The following CASP5 variants were observed in gnomAD, a reference collection of about 807,000 sequenced individuals.
CASP5 encodes caspase 5, also known as caspase-5.
A neutral mutation model predicts 45.2 loss-of-function variants in CASP5; 42 were observed. The ratio of observed to expected loss-of-function variants is 0.93; its 90% CI spans 0.73 to 1.20. The LOEUF (loss-of-function observed/expected upper bound fraction) is 1.20, where lower values mean the gene tolerates loss of function less well. Ranked by LOEUF, CASP5 falls within the 50% of genes most tolerant of loss-of-function variation. The probability of loss-of-function intolerance (pLI) is 0.00; values close to 1 mark genes in which losing one functional copy is unlikely to be tolerated. For missense variants in CASP5, 512 were observed against 532.2 expected, an observed-to-expected ratio of 0.96 and a Z score of 0.37; for synonymous variants, 209 against 186.2, an observed-to-expected ratio of 1.12 and a Z score of -1.00.
At chr11:105,020,993 G>T (rs1862926738) in intron 1 of CASP5, among the ~76,000 whole-genome samples, 1 of 151,964 alleles carries the variant, frequency 6.6e-6, no homozygotes, top group Non-Finnish European at 1.5e-5. Context: ...AGAGCCCTCA[G>T]AAATAATGCC....
intron 2 of CASP5, 152 bp from the exon 3 acceptor site, chr11:105,007,486 T>C: frequency 1.4e-6 from 1 of 719,316 alleles, no homozygotes; most frequent in Non-Finnish European, 2.3e-6. Context: ...TTTTTGCAAC[T>C]GCAGAATTCT....
At chr11:105,016,784 C>G (rs957351278) in intron 1 of CASP5, among the ~76,000 whole-genome samples, 4 of 152,032 alleles carry the variant, frequency 2.6e-5, no homozygotes, top group African/African-American at 4.8e-5. Flanking sequence ...CCAGGAAGCT[C>G]GAACTGGGTG....
chr11:105,000,506 G>T lies in CASP5; in HGVS notation c.718-11C>A. 6.2e-7 allele frequency: 1 copy of T among 1,611,058 alleles called. No individual in the cohort carries two copies. Among genetic ancestry groups the T allele is most frequent in the Non-Finnish European group, 8.5e-7 (1 of 1,177,310 alleles). On this transcript the variant is annotated splice_polypyrimidine_tract_variant and intron_variant, in intron 5 of 9. Coordinates refer to ENST00000260315, the MANE Select transcript of CASP5 (RefSeq NM_004347.5). ...CACTGACTCCATATCCTATAAAAGA[G>T]CAATGTCTAACTTCAGTCAGAGAAG...
intron 9 of CASP5, chr11:104,995,352 C>T (rs547642884): frequency 3.2e-5 from 5 of 157,832 alleles, no homozygotes; most frequent in African/African-American, 1.2e-4. Flanking sequence ...CTGTTTTGTT[C>T]AAGGTCTGAT....
intron 9 of CASP5, among the ~76,000 whole-genome samples, chr11:104,994,749 C>G (rs1861380249): frequency 6.6e-6 from 1 of 152,170 alleles, no homozygotes; most frequent in Non-Finnish European, 1.5e-5. Context: ...TATTTCTGCC[C>G]CAGGGCATTT....
rs1332291065 is a variant in CASP5 at position 105,020,189 on chromosome 11, C to T, written c.7+2941G>A. Among the ~76,000 whole-genome samples, 11 of 147,292 alleles carry T rather than the reference C, an allele frequency of 7.5e-5. No homozygotes were observed. In the East Asian group the frequency reaches 2.2e-3, roughly 29 times the overall value. On this transcript the variant is annotated intron_variant, in intron 1 of 9. Coordinates refer to ENST00000260315, the MANE Select transcript of CASP5 (RefSeq NM_004347.5). ...ATAAGAGCTATCTATGACAAACCCA[C>T]AGCCAATATCATACTGAATGGGCAA...
intron 1 of CASP5, among the ~76,000 whole-genome samples, chr11:105,021,584 G>T (rs1291550491): frequency 1.3e-5 from 2 of 149,838 alleles, no homozygotes; most frequent in African/African-American, 4.9e-5. Context: ...GGCCATCAGA[G>T]AAATGCAAAT....
At chr11:105,001,078 C>G (rs551455521) in intron 5 of CASP5, among the ~76,000 whole-genome samples, 3 of 152,348 alleles carry the variant, frequency 2.0e-5, no homozygotes, top group African/African-American at 7.2e-5. Flanking sequence ...CCGTCCAACT[C>G]CTGTGTTCTC....
chr11:105,017,220 A>G (rs538068708), intron 1 of CASP5, among the ~76,000 whole-genome samples: 28 of 152,336 alleles, frequency 1.8e-4, no homozygotes, highest in African/African-American at 6.7e-4. Flanking sequence ...AACAGAGCAG[A>G]AAAACTGGAA....
rs1210669200 is a variant in CASP5 at position 105,002,216 on chromosome 11, G to C, written c.544-15C>G. The C allele has an allele frequency of 1.9e-6, 3 of 1,611,638 alleles. No homozygotes were observed. The highest frequency in any genetic ancestry group is 2.5e-6 in the Non-Finnish European group (3 of 1,178,960). ...ATTGGATAGATCTGCAGGAGATGGA[G>C]ATGAAGCAACTTTGATTACCCGAGT... On this transcript the variant is annotated splice_polypyrimidine_tract_variant and intron_variant, in intron 4 of 9. Coordinates refer to ENST00000260315, the MANE Select transcript of CASP5 (RefSeq NM_004347.5).
At chr11:105,007,971 A>G (rs1565386369) in intron 2 of CASP5, among the ~76,000 whole-genome samples, 1 of 152,274 alleles carries the variant, frequency 6.6e-6, no homozygotes, top group East Asian at 1.9e-4. Context: ...TGAAATTGAA[A>G]ATAATATCAT....
intron 9 of CASP5, among the ~76,000 whole-genome samples, chr11:104,994,691 C>T (rs1360184724): frequency 3.3e-5 from 5 of 152,204 alleles, no homozygotes; most frequent in African/African-American, 9.7e-5. Context: ...CTTGCATTCT[C>T]TTTTGGTCAC....
At chr11:105,001,576 G>A (rs1189207988) in intron 5 of CASP5, among the ~76,000 whole-genome samples, 1 of 152,156 alleles carries the variant, frequency 6.6e-6, no homozygotes, top group African/African-American at 2.4e-5. Context: ...CAGGAGAATC[G>A]CTTGTGGAAG....
rs546328224 is a variant in CASP5, at chr11:105,006,469, A to G, written c.433+614T>C. ...ATGTTACTTCTTTTTACTGAAGCGG[A>G]AAAGGGTTAAAAGTGGAGCACGTTT... On this transcript the variant is annotated intron_variant, in intron 3 of 9. Coordinates refer to ENST00000260315, the MANE Select transcript of CASP5 (RefSeq NM_004347.5). 2.6e-5 allele frequency among the ~76,000 whole-genome samples: 4 copies of G among 152,344 alleles called. No homozygotes were observed. The South Asian group carries it at 8.3e-4, about 32-fold the overall frequency.
rs780430969 is a variant in CASP5 at position 105,003,320 on chromosome 11, C to A, written c.497G>T (p.Cys166Phe). Reference protein sequence around the residue: ...SAESTNILKLCPREEFLRLCK... With the variant: ...SAESTNILKLFPREEFLRLCK... The stretch of plus-strand genomic sequence containing the variant: ...CAGTCTCAGGAATTCTTCACGAGGA[C>A]AAAGTTTGAGTATATTTGTAGATTC... The change falls in exon 4 of 10, where the codon TGT (cysteine) becomes TTT (phenylalanine). Residue 166 changes from cysteine (C) to phenylalanine (F), a missense_variant. By Grantham distance (205) the Cys-to-Phe change is radical (BLOSUM62 -2). Coordinates refer to ENST00000260315, the MANE Select transcript of CASP5 (RefSeq NM_004347.5). The A allele has an allele frequency of 9.3e-6, 15 of 1,607,456 alleles. No individual in the cohort carries two copies. In the Admixed American group the frequency reaches 1.0e-4, roughly 11 times the overall value.
intron 7 of CASP5, 41 bp downstream of exon 7, chr11:104,998,843 TC>T: frequency 1.9e-6 from 3 of 1,598,618 alleles, no homozygotes; most frequent in Non-Finnish European, 2.6e-6. Context: ...AAAGGTGGCC[TC>T]AGCACCCCCA....
At chr11:105,008,464 A>C (rs938980560) in intron 2 of CASP5, among the ~76,000 whole-genome samples, 1 of 152,018 alleles carries the variant, frequency 6.6e-6, no homozygotes, top group East Asian at 1.9e-4. Flanking sequence ...GGTAAGACTG[A>C]TGATTAGGGA....
chr11:105,019,914 A>AGTGTG (rs1862854945), intron 1 of CASP5, among the ~76,000 whole-genome samples: 1 of 146,100 alleles, frequency 6.8e-6, no homozygotes, highest in Non-Finnish European at 1.5e-5. Context: ...TCAATAAAAT[A>AGTGTG]CTGGCAAACC....
chr11:105,008,816 T>C lies in CASP5; in HGVS notation c.172A>G (p.Ser58Gly). 1 of 1,605,252 alleles carries C rather than the reference T, an allele frequency of 6.2e-7. No homozygotes were observed. Among genetic ancestry groups the C allele is most frequent in the South Asian group, 1.1e-5 (1 of 89,432 alleles). ...LVPNTDQKST[S>G]VKKDNHKKKT... is the part of the protein sequence containing the mutation. Reference sequence around the variant, plus strand: ...AAATATCCAGTCTTACTTTTTACACTGGTCGACTTTTGATCCGTATTAGGT... The same window carrying C: ...AAATATCCAGTCTTACTTTTTACACCGGTCGACTTTTGATCCGTATTAGGT... Residue 58 changes from serine to glycine, a missense_variant, in exon 2 of 10, where the codon AGT (serine) becomes GGT (glycine). By Grantham distance (56) the Ser-to-Gly change is moderately conservative. Transcript: ENST00000260315.
Sources: allele counts gnomAD v4.1 joint callset (sites outside exome capture counted in the v4.1 genomes callset), GRCh38; gene constraint gnomAD v4.1.1; transcripts MANE v1.5; gene names NCBI Gene and HGNC (gene_info 2026-07-23, HGNC 2026-07-21).